Variants in RORA observed in about 807,000 individuals in gnomAD.
The protein encoded by RORA is nuclear receptor ROR-alpha.
In RORA, 7 loss-of-function variants were observed where a neutral mutation model predicts 69.5. The ratio of observed to expected loss-of-function variants is 0.10; its 90% CI spans 0.06 to 0.19. The LOEUF is 0.19. Ranked by LOEUF, RORA falls within the 10% of genes least tolerant of loss-of-function variation. The pLI, the probability that RORA is intolerant of heterozygous loss-of-function variation, is 1.00. For missense variants in RORA, 457 were observed against 663.0 expected (o/e 0.69, Z 3.41); for synonymous variants, 261 against 240.8 (o/e 1.08, Z -0.78).
chr15:61,054,018 G>A (rs1444397345), intron 1 of RORA, among the ~76,000 whole-genome samples: 1 of 151,700 alleles, frequency 6.6e-6, no homozygotes, highest in African/African-American at 2.4e-5. Context: ...TCCTTTCAAA[G>A]TAAAATAGAC....
intron 1 of RORA, among the ~76,000 whole-genome samples, chr15:61,059,958 A>AGAGGAAGAG (rs1323326405): frequency 8.3e-6 from 1 of 119,796 alleles, no homozygotes; most frequent in African/African-American, 3.1e-5. Context: ...AAGAAGAAGA[A>AGAGGAAGAG]GAAGAGGAAG....
At chr15:61,163,380 C>G (rs959594819) in intron 1 of RORA, among the ~76,000 whole-genome samples, 1 of 152,148 alleles carries the variant, frequency 6.6e-6, no homozygotes, top group Non-Finnish European at 1.5e-5. Flanking sequence ...AATATCTATT[C>G]AGAGGCAAGT....
chr15:61,040,107 A>G (rs1157545659), intron 1 of RORA, among the ~76,000 whole-genome samples: 2 of 101,444 alleles, frequency 2.0e-5, no homozygotes, highest in Non-Finnish European at 3.9e-5. Context: ...TATGATCACA[A>G]GCTTTGATAT....
At chr15:60,554,714 G>A (rs1192049620) in intron 2 of RORA, among the ~76,000 whole-genome samples, 1 of 152,140 alleles carries the variant, frequency 6.6e-6, no homozygotes, top group African/African-American at 2.4e-5. Flanking sequence ...TTCTCAGGCT[G>A]GGTAAGAGAA....
chr15:60,921,774 C>T (rs533538154), intron 1 of RORA, among the ~76,000 whole-genome samples: 1 of 152,152 alleles, frequency 6.6e-6, no homozygotes, highest in African/African-American at 2.4e-5. Context: ...TCCTCATCTG[C>T]GAAACCAGCA....
At chr15:61,134,216 G>C (rs1202026578) in intron 1 of RORA, among the ~76,000 whole-genome samples, 1 of 152,164 alleles carries the variant, frequency 6.6e-6, no homozygotes, top group Non-Finnish European at 1.5e-5. Context: ...CAGCCTGAAA[G>C]TGCAGAATGG....
intron 1 of RORA, among the ~76,000 whole-genome samples, chr15:60,837,004 T>C (rs762747515): frequency 4.0e-5 from 6 of 151,742 alleles, no homozygotes; most frequent in Non-Finnish European, 8.8e-5. Context: ...CCTAAACTCA[T>C]GCTCACATAC....
intron 2 of RORA, among the ~76,000 whole-genome samples, chr15:60,607,140 C>A (rs28731125): frequency 0.058 from 8,817 of 152,146 alleles, 323 homozygotes; most frequent in East Asian, 0.14. Flanking sequence ...AAAGTTAGAC[C>A]TAAGAACTCA....
At chr15:61,195,932 A>G (rs1057444898) in intron 1 of RORA, 4 of 152,260 alleles carry the variant, frequency 2.6e-5, no homozygotes, top group East Asian at 1.9e-4. Context: ...TGAGCACCTA[A>G]TATGTACGTG....
intron 2 of RORA, among the ~76,000 whole-genome samples, chr15:60,589,667 T>A (rs2068441439): frequency 6.6e-6 from 1 of 152,216 alleles, no homozygotes; most frequent in Non-Finnish European, 1.5e-5. Flanking sequence ...AAATGAAGAT[T>A]TATTACATTT....
Position 60,613,022 on chromosome 15 carries a change from A to AT in RORA, c.196+65634dup, listed in dbSNP as rs911568934. The stretch of plus-strand genomic sequence containing the variant: ...TTATCTTTAAGGCCACTGTTCAGGA[A>AT]TTTTTTTTTTTAATTCTATTTAAAG... On this transcript the variant is annotated intron_variant, in intron 2 of 10. Transcript: ENST00000335670. 3.9e-4 allele frequency among the ~76,000 whole-genome samples: 58 copies of AT among 148,230 alleles called. No homozygotes were observed. In the Middle Eastern group the frequency reaches 0.014, roughly 35 times the overall value.
intron 1 of RORA, among the ~76,000 whole-genome samples, chr15:61,172,571 G>A (rs755206868): frequency 2.6e-5 from 4 of 152,258 alleles, no homozygotes; most frequent in South Asian, 2.1e-4. Context: ...TCAGGGCCCC[G>A]GAGGAATGAT....
intron 1 of RORA, among the ~76,000 whole-genome samples, chr15:61,054,431 G>C (rs550622965): frequency 1.3e-5 from 2 of 152,114 alleles, no homozygotes; most frequent in Non-Finnish European, 1.5e-5. Flanking sequence ...CCTTAGAGAG[G>C]AGGAAATCAG....
intron 1 of RORA, among the ~76,000 whole-genome samples, chr15:60,975,164 G>A (rs975504537): frequency 1.3e-5 from 2 of 152,228 alleles, no homozygotes; most frequent in African/African-American, 4.8e-5. Context: ...CCTGGGCAGG[G>A]TGAGCACAGA....
chr15:60,725,552 G>A (rs183510853), intron 1 of RORA, among the ~76,000 whole-genome samples: 142 of 152,250 alleles, frequency 9.3e-4, no homozygotes, highest in African/African-American at 3.2e-3. Flanking sequence ...CCTCAAGCAC[G>A]TATCCTTTGT....
At position 60,586,461 on chromosome 15, in the gene RORA, TGTGTGTGTGTGC is replaced by T. The variant is rs1465221081; in HGVS notation, c.197-54622_197-54611del. ...AGATATTACGTATTAGAGGGGTGTG[TGTGTGTGTGTGC>T]GTGTGCATGTGTGTGTTACAGTACT... On this transcript the variant is annotated intron_variant, in intron 2 of 10. Coordinates refer to ENST00000335670, the MANE Select transcript of RORA (RefSeq NM_134261.3). Among the ~76,000 whole-genome samples the T allele has an allele frequency of 3.9e-5, 6 of 152,038 alleles. No individual in the cohort carries two copies. The East Asian group carries it at 1.2e-3, about 29-fold the overall frequency.
chr15:60,842,105 C>G (rs1431642175), intron 1 of RORA, among the ~76,000 whole-genome samples: 2 of 152,214 alleles, frequency 1.3e-5, no homozygotes, highest in East Asian at 3.9e-4. Flanking sequence ...CCTCAGCCAT[C>G]TTCCTTTCTA....
chr15:61,073,930 C>G (rs1344277048), intron 1 of RORA, among the ~76,000 whole-genome samples: 2 of 152,200 alleles, frequency 1.3e-5, no homozygotes, highest in African/African-American at 4.8e-5. Flanking sequence ...GAATAACAAG[C>G]AGTCCATTTT....
intron 1 of RORA, among the ~76,000 whole-genome samples, chr15:61,088,593 G>A (rs1204626677): frequency 6.6e-6 from 1 of 152,122 alleles, no homozygotes. Context: ...GTAACCTCAA[G>A]TAACTTGCCA....
Sources: gnomAD v4.1 joint callset for allele counts (sites outside exome capture counted in the v4.1 genomes callset) on GRCh38, gnomAD v4.1.1 for gene constraint, MANE v1.5 for transcripts, NCBI Gene and HGNC (gene_info 2026-07-23, HGNC 2026-07-21) for gene names.